PGCKA1: variants seen among roughly 807,000 people sequenced by gnomAD.
PGCKA1 encodes the protein PDCD10 and GCKIII kinases-associated protein 1.
At chr4:37,587,354 G>T in the PGCKA1 span, among the ~76,000 whole-genome samples, 1 of 152,124 alleles carries the variant, frequency 6.6e-6, no homozygotes, top group African/African-American at 2.4e-5. Flanking sequence ...TAGGTTCCAG[G>T]GATTAGGATG....
chr4:37,503,085 T>C, the PGCKA1 span, among the ~76,000 whole-genome samples: 2 of 152,194 alleles, frequency 1.3e-5, no homozygotes, highest in African/African-American at 4.8e-5. Flanking sequence ...GGGCTCTGCA[T>C]AGCTGGTATG....
chr4:37,467,556 T>G, the PGCKA1 span, among the ~76,000 whole-genome samples: 1 of 152,198 alleles, frequency 6.6e-6, no homozygotes, highest in South Asian at 2.1e-4. Context: ...TTCTACGTCT[T>G]CATTTCACAC....
chr4:37,567,955 A>G, the PGCKA1 span, among the ~76,000 whole-genome samples: 2 of 152,254 alleles, frequency 1.3e-5, no homozygotes, highest in Non-Finnish European at 2.9e-5. Flanking sequence ...TAAAGACTAC[A>G]GGAGGGACAA....
the PGCKA1 span, among the ~76,000 whole-genome samples, chr4:37,456,200 GT>G: frequency 6.6e-6 from 1 of 152,006 alleles, no homozygotes; most frequent in African/African-American, 2.4e-5. Flanking sequence ...CTATGTGCAG[GT>G]CAGATGTAGT....
chr4:37,459,544 A>AT, the PGCKA1 span, among the ~76,000 whole-genome samples: 1 of 152,146 alleles, frequency 6.6e-6, no homozygotes, highest in African/African-American at 2.4e-5. Flanking sequence ...TTCCTTTTCC[A>AT]TTTTTTTCCA....
At chr4:37,521,189 G>A in the PGCKA1 span, among the ~76,000 whole-genome samples, 1 of 151,738 alleles carries the variant, frequency 6.6e-6, no homozygotes, top group South Asian at 2.1e-4. Context: ...TTTGCTGCAG[G>A]GACTTACAGC....
the PGCKA1 span, among the ~76,000 whole-genome samples, chr4:37,523,656 C>T: frequency 1.3e-5 from 2 of 152,144 alleles, no homozygotes; most frequent in East Asian, 1.9e-4. Context: ...GAAATTACAC[C>T]ATCTGTATGT....
At chr4:37,576,775 G>T in the PGCKA1 span, among the ~76,000 whole-genome samples, 2 of 151,896 alleles carry the variant, frequency 1.3e-5, no homozygotes, top group Non-Finnish European at 2.9e-5. Flanking sequence ...GTGTTTTTAG[G>T]GTTTTTATGA....
the PGCKA1 span, among the ~76,000 whole-genome samples, chr4:37,454,527 C>T: frequency 6.6e-6 from 1 of 152,066 alleles, no homozygotes; most frequent in Non-Finnish European, 1.5e-5. Flanking sequence ...CCTTGGGTCC[C>T]GGTATTTGCC....
the PGCKA1 span, among the ~76,000 whole-genome samples, chr4:37,487,279 A>G: frequency 1.3e-5 from 2 of 152,170 alleles, no homozygotes; most frequent in Non-Finnish European, 2.9e-5. Flanking sequence ...AGAATTGTAC[A>G]TGAACTACAC....
the PGCKA1 span, among the ~76,000 whole-genome samples, chr4:37,531,031 A>G: frequency 6.6e-6 from 1 of 152,240 alleles, no homozygotes; most frequent in Admixed American, 6.5e-5. Context: ...GTTAAAGGAA[A>G]GGAAGTAGCT....
chr4:37,588,938 T>C, the PGCKA1 span: 4 of 1,535,624 alleles, frequency 2.6e-6, no homozygotes, highest in Non-Finnish European at 3.6e-6. Flanking sequence ...TGGAGGAATT[T>C]GTGATGAGCG....
chr4:37,540,644 CA>C, the PGCKA1 span, among the ~76,000 whole-genome samples: 1 of 152,158 alleles, frequency 6.6e-6, no homozygotes, highest in Admixed American at 6.5e-5. Context: ...TGTGTGAGGA[CA>C]CAGGAATTCC....
the PGCKA1 span, among the ~76,000 whole-genome samples, chr4:37,566,491 G>T: frequency 6.6e-6 from 1 of 152,124 alleles, no homozygotes; most frequent in Admixed American, 6.5e-5. Context: ...ATGTTGGCCA[G>T]GCTGGTCTCG....
At chr4:37,572,684 C>A in the PGCKA1 span, among the ~76,000 whole-genome samples, 7 of 152,266 alleles carry the variant, frequency 4.6e-5, no homozygotes, top group South Asian at 1.4e-3. Context: ...CATGAAATAT[C>A]TTAGGAATGG....
the PGCKA1 span, among the ~76,000 whole-genome samples, chr4:37,546,778 G>T: frequency 6.6e-6 from 1 of 152,244 alleles, no homozygotes; most frequent in Non-Finnish European, 1.5e-5. Flanking sequence ...ACTCCAGCCA[G>T]CCTGAGTGAC....
At chr4:37,569,265 T>G in the PGCKA1 span, among the ~76,000 whole-genome samples, 2 of 151,062 alleles carry the variant, frequency 1.3e-5, no homozygotes, top group African/African-American at 4.9e-5. Context: ...TGGCAAGATC[T>G]CGGCTCACTG....
the PGCKA1 span, among the ~76,000 whole-genome samples, chr4:37,473,987 A>C: frequency 6.6e-6 from 1 of 152,246 alleles, no homozygotes; most frequent in African/African-American, 2.4e-5. Flanking sequence ...CCTTTCTGCT[A>C]TTGTCTCAGC....
the PGCKA1 span, among the ~76,000 whole-genome samples, chr4:37,564,480 C>T: frequency 6.7e-6 from 1 of 149,948 alleles, no homozygotes; most frequent in East Asian, 2.0e-4. Context: ...TTACCATGCA[C>T]TGATGCCAGG....
Sources: gnomAD v4.1 joint callset for allele counts (sites outside exome capture counted in the v4.1 genomes callset) on GRCh38, gnomAD v4.1.1 for gene constraint, MANE v1.5 for transcripts, NCBI Gene and HGNC (gene_info 2026-07-23, HGNC 2026-07-21) for gene names.